The following HPCAL1 variants were observed in gnomAD, a reference collection of about 807,000 sequenced individuals.
The protein encoded by HPCAL1 is hippocalcin-like protein 1.
In HPCAL1, 8 loss-of-function variants were observed where a neutral mutation model predicts 17.1. That is an observed-to-expected ratio of 0.47 (90% CI 0.27 to 0.84). HPCAL1 has a LOEUF of 0.84. Among genes scored for constraint, HPCAL1 ranks in the 40% least tolerant of loss-of-function variants. The probability of loss-of-function intolerance (pLI) is 0.13; values close to 1 mark genes in which losing one functional copy is unlikely to be tolerated. For synonymous variants in HPCAL1, 112 were observed against 111.4 expected (o/e 1.01, Z -0.03); for missense variants, 165 against 271.1 (o/e 0.61, Z 2.75).
intron 1 of HPCAL1, among the ~76,000 whole-genome samples, chr2:10,336,590 C>G (rs1445507795): frequency 6.6e-6 from 1 of 152,206 alleles, no homozygotes; most frequent in Non-Finnish European, 1.5e-5. Context: ...ATGAAGAATT[C>G]TTTGTCCCTC....
chr2:10,409,381 C>G (rs1670184306), intron 2 of HPCAL1, among the ~76,000 whole-genome samples: 1 of 152,202 alleles, frequency 6.6e-6, no homozygotes. Flanking sequence ...TCCTGGCAGC[C>G]GGCACAGCCT....
At position 10,310,958 on chromosome 2, in the gene HPCAL1, A is replaced by G. The variant is rs1662919991; in HGVS notation, c.-111+7781A>G. On this transcript the variant is annotated intron_variant, in intron 1 of 4. Coordinates refer to ENST00000307845, the MANE Select transcript of HPCAL1 (RefSeq NM_002149.4). This position sits in a 1 kb window ranked among gnomAD's most constrained non-coding sequence, Gnocchi z 4.5. ...TTTTCTATTTGCTGCCCTGTAATCA[A>G]TTTTTGGAGAGAAGTGAGAACCTCT... Among the ~76,000 whole-genome samples the G allele has an allele frequency of 1.3e-5, 2 of 152,118 alleles. No individual in the cohort carries two copies. Among genetic ancestry groups the G allele is most frequent in the South Asian group, 4.1e-4 (2 of 4,826 alleles).
chr2:10,399,281 CACCACCACCACCACCAT>C (rs1669318256), intron 2 of HPCAL1, among the ~76,000 whole-genome samples: 2 of 117,710 alleles, frequency 1.7e-5, no homozygotes, highest in East Asian at 3.4e-4. Context: ...CCACCACCAT[CACCACCACCACCACCAT>C]CACCACCACC....
In HPCAL1 at chr2:10,330,049, A is replaced by AT. The variant is rs1664259701; in HGVS notation, c.-111+26872_-111+26873insT. On this transcript the variant is annotated intron_variant, in intron 1 of 4. Transcript: ENST00000307845. The surrounding 1 kb of genome is among the most constrained non-coding windows in gnomAD (Gnocchi z 4.2). Reference sequence around the variant, plus strand: ...CTGCACAAATGGTCTTCAACCCTCAAAACACTTCCTGTTATTTAAATCTTG... The same window carrying AT: ...CTGCACAAATGGTCTTCAACCCTCAATAACACTTCCTGTTATTTAAATCTTG... 6.6e-6 allele frequency: 1 copy of AT among 152,028 alleles called. No homozygotes were observed. The allele number at this position is 152,028 out of a possible 1,614,324, so 9.4% of individuals were successfully genotyped here.
intron 2 of HPCAL1, among the ~76,000 whole-genome samples, chr2:10,415,878 A>G (rs1411595109): frequency 2.6e-5 from 4 of 152,230 alleles, no homozygotes; most frequent in Admixed American, 6.5e-5. Flanking sequence ...GTGAACACCT[A>G]GCGAGCTCCA....
rs1665181982 is a variant in HPCAL1, at chr2:10,342,836, A to T, written c.-111+39659A>T. On this transcript the variant is annotated intron_variant, in intron 1 of 4. Transcript: ENST00000307845. The surrounding 1 kb of genome is among the most constrained non-coding windows in gnomAD (Gnocchi z 4.1). Reference sequence around the variant, plus strand: ...CTCTGAGGATTCTCTTCTTCTGTCCATCTCATGGCTGAAGACCAAGGCTAT... The same window carrying T: ...CTCTGAGGATTCTCTTCTTCTGTCCTTCTCATGGCTGAAGACCAAGGCTAT... Among the ~76,000 whole-genome samples, 1 of 152,192 alleles carries T rather than the reference A, an allele frequency of 6.6e-6. No homozygotes were observed. The highest frequency in any genetic ancestry group is 2.1e-4 in the South Asian group (1 of 4,836).
chr2:10,362,686 C>T lies in HPCAL1; in HGVS notation c.-110-34149C>T, dbSNP rs1054980030. ...GCTTTGGGAGAGAAGGGAGGGTAGC[C>T]CTGAGGCCATCCCAAATGCGAGTCT... On this transcript the variant is annotated intron_variant, in intron 1 of 4. Coordinates refer to ENST00000307845, the MANE Select transcript of HPCAL1 (RefSeq NM_002149.4). This position sits in a 1 kb window ranked among gnomAD's most constrained non-coding sequence, Gnocchi z 5.0. Among the ~76,000 whole-genome samples, 1 of 152,196 alleles carries T rather than the reference C, an allele frequency of 6.6e-6. No individual in the cohort carries two copies. Among genetic ancestry groups the T allele is most frequent in the Non-Finnish European group, 1.5e-5 (1 of 68,038 alleles).
Position 10,359,285 on chromosome 2 carries a change from A to T in HPCAL1, c.-110-37550A>T, listed in dbSNP as rs1200340147. ...GCTGCGGGCTGGCTCGGCGAGGGGG[A>T]GGTGGGCAGCTGGGGGCTCTCTGGA... On this transcript the variant is annotated intron_variant, in intron 1 of 4. Transcript: ENST00000307845. The surrounding 1 kb of genome is among the most constrained non-coding windows in gnomAD (Gnocchi z 4.1). Among the ~76,000 whole-genome samples, 3 of 150,738 alleles carry T rather than the reference A, an allele frequency of 2.0e-5. No homozygotes were observed. The East Asian group carries it at 5.9e-4, about 29-fold the overall frequency.
At chr2:10,396,574 G>A (rs974667130) in intron 1 of HPCAL1, among the ~76,000 whole-genome samples, 1 of 152,230 alleles carries the variant, frequency 6.6e-6, no homozygotes, top group African/African-American at 2.4e-5. Context: ...AACCTCACTC[G>A]AAGGGTGGCC....
At chr2:10,327,352 G>A (rs1413785566) in intron 1 of HPCAL1, among the ~76,000 whole-genome samples, 1 of 152,208 alleles carries the variant, frequency 6.6e-6, no homozygotes, top group Non-Finnish European at 1.5e-5. Flanking sequence ...CCTGCAGGAA[G>A]GATCATACCA....
chr2:10,378,223 G>GT (rs58697364), intron 1 of HPCAL1, among the ~76,000 whole-genome samples: 1,402 of 96,270 alleles, frequency 0.015, 21 homozygotes, highest in African/African-American at 0.022. Context: ...GTGGTTTCAT[G>GT]TTTTTTTTTT....
At chr2:10,386,549 A>T (rs1385702895) in intron 1 of HPCAL1, among the ~76,000 whole-genome samples, 2 of 151,896 alleles carry the variant, frequency 1.3e-5, no homozygotes, top group Admixed American at 6.6e-5. Context: ...GGAGGGGGTG[A>T]GGTTGTGTGA....
At chr2:10,325,622 T>C (rs1470685804) in intron 1 of HPCAL1, among the ~76,000 whole-genome samples, 1 of 152,216 alleles carries the variant, frequency 6.6e-6, no homozygotes, top group African/African-American at 2.4e-5. Context: ...GTTTCCCTGC[T>C]TCCCCACACC....
intron 1 of HPCAL1, among the ~76,000 whole-genome samples, chr2:10,379,192 G>A (rs948704807): frequency 5.9e-5 from 9 of 151,892 alleles, no homozygotes; most frequent in Admixed American, 2.0e-4. Flanking sequence ...TGTCCACCTG[G>A]GCCAGTGCGT....
rs183589422 is a variant in HPCAL1, at chr2:10,304,997, G to T, written c.-111+1820G>T. 1.5e-4 allele frequency among the ~76,000 whole-genome samples: 23 copies of T among 152,282 alleles called. No individual in the cohort carries two copies. The East Asian group carries it at 3.9e-3, about 26-fold the overall frequency. On this transcript the variant is annotated intron_variant, in intron 1 of 4. Transcript: ENST00000307845. The surrounding 1 kb of genome is among the most constrained non-coding windows in gnomAD (Gnocchi z 4.1). ...TTTAGGAGCCAGGGATAGAAACCTG[G>T]TCCGGTTCCTTTGGTTTCCCTCGGC...
chr2:10,346,379 T>C (rs1665450809), intron 1 of HPCAL1, among the ~76,000 whole-genome samples: 1 of 152,214 alleles, frequency 6.6e-6, no homozygotes, highest in Non-Finnish European at 1.5e-5. Context: ...ACGTGCCTCA[T>C]TCAGGGCTTG....
At chr2:10,420,207 G>T in intron 3 of HPCAL1, 72 bp downstream of exon 3, 1 of 894,726 alleles carries the variant, frequency 1.1e-6, no homozygotes, top group Non-Finnish European at 1.5e-6. Context: ...CCCAGCCCAG[G>T]GCTTTTTTTT....
chr2:10,375,016 A>G (rs2016640), intron 1 of HPCAL1, among the ~76,000 whole-genome samples: 77,431 of 152,076 alleles, frequency 0.51, 20,910 homozygotes, highest in East Asian at 0.8. Context: ...GCCTTGGCAG[A>G]GAGCTGGGAG....
chr2:10,403,067 T>C (rs1196749185), intron 2 of HPCAL1, among the ~76,000 whole-genome samples: 2 of 152,152 alleles, frequency 1.3e-5, no homozygotes, highest in Non-Finnish European at 2.9e-5. Context: ...GTTTAGTCAT[T>C]TCTCAAGCAG....
Sources: allele counts gnomAD v4.1 joint callset (sites outside exome capture counted in the v4.1 genomes callset), GRCh38; gene constraint gnomAD v4.1.1; non-coding constraint Gnocchi (gnomAD v3.1); transcripts MANE v1.5; gene names NCBI Gene and HGNC (gene_info 2026-07-23, HGNC 2026-07-21).